Variants in DDX60 observed in about 807,000 individuals in gnomAD.
DDX60 encodes the protein probable ATP-dependent RNA helicase DDX60.
Under a neutral mutation model 212.8 loss-of-function variants are expected in DDX60, and 165 were observed. The ratio of observed to expected loss-of-function variants is 0.78; its 90% CI spans 0.68 to 0.88. The LOEUF is 0.88. DDX60 is among the 40% of genes least tolerant of loss of function. DDX60 has a pLI of 0.00. For missense variants in DDX60, 1,905 were observed against 2,003.9 expected, an observed-to-expected ratio of 0.95 and a Z score of 0.94; for synonymous variants, 703 against 685.3, an observed-to-expected ratio of 1.03 and a Z score of -0.40.
At chr4:168,284,771 A>C in intron 12 of DDX60, 49 bp downstream of exon 12, 2 of 907,630 alleles carry the variant, frequency 2.2e-6, no homozygotes, top group Non-Finnish European at 3.2e-6. Flanking sequence ...AATAAGAGGC[A>C]GAGAGTAAAG....
rs766996301 is a variant in DDX60 at position 168,273,274 on chromosome 4, C to T, written c.2574+5G>A. 14 of 1,608,792 alleles carry T rather than the reference C, an allele frequency of 8.7e-6. No individual in the cohort carries two copies. The highest frequency in any genetic ancestry group is 1.2e-5 in the Non-Finnish European group (14 of 1,177,570). On this transcript the variant is annotated splice_donor_5th_base_variant and intron_variant, in intron 18 of 37. Coordinates refer to ENST00000393743, the MANE Select transcript of DDX60 (RefSeq NM_017631.6). ...ATAACACACTTATTAATTAAAATAC[C>T]CTACCTGACAGTTTAAGGCATCATG...
chr4:168,236,734 A>C (rs1480130960), intron 32 of DDX60, among the ~76,000 whole-genome samples: 1 of 151,824 alleles, frequency 6.6e-6, no homozygotes, highest in Non-Finnish European at 1.5e-5. Context: ...ATGTATTTAA[A>C]AATTTACTCA....
At chr4:168,288,028 TA>T in intron 9 of DDX60, 145 bp downstream of exon 9, 1 of 485,158 alleles carries the variant, frequency 2.1e-6, no homozygotes, top group Non-Finnish European at 3.5e-6. Context: ...TAATTGCAAC[TA>T]AAATATTACA....
At chr4:168,258,120 G>C (rs1034905200) in intron 25 of DDX60, among the ~76,000 whole-genome samples, 1 of 151,700 alleles carries the variant, frequency 6.6e-6, no homozygotes, top group African/African-American at 2.4e-5. Context: ...GTTTGGATCT[G>C]ACAAAAAGGG....
intron 33 of DDX60, among the ~76,000 whole-genome samples, chr4:168,228,283 T>C (rs1327709554): frequency 6.6e-6 from 1 of 152,124 alleles, no homozygotes; most frequent in Non-Finnish European, 1.5e-5. Context: ...TGGATCAAAA[T>C]GTCATTGTGT....
At chr4:168,240,469 C>A (rs964374039) in intron 30 of DDX60, among the ~76,000 whole-genome samples, 2 of 152,072 alleles carry the variant, frequency 1.3e-5, no homozygotes, top group African/African-American at 4.8e-5. Flanking sequence ...TAGAAAAAAA[C>A]TATTTTAAAA....
At chr4:168,229,975 A>C (rs1733386983) in intron 33 of DDX60, among the ~76,000 whole-genome samples, 1 of 151,960 alleles carries the variant, frequency 6.6e-6, no homozygotes. Context: ...TCTTCAAGAG[A>C]CTCACCTAAC....
intron 30 of DDX60, among the ~76,000 whole-genome samples, chr4:168,245,190 T>C (rs1230509489): frequency 6.6e-6 from 1 of 151,904 alleles, no homozygotes; most frequent in Non-Finnish European, 1.5e-5. Flanking sequence ...ATCCATAAAA[T>C]AGAAAATCAT....
chr4:168,286,389 T>TACACACACACACACACACACAC lies in DDX60; in HGVS notation c.1339+637_1339+658dup, dbSNP rs71867661. Among the ~76,000 whole-genome samples the TACACACACACACACACACACAC allele has an allele frequency of 1.6e-3, 211 of 133,746 alleles. 1 individual carries two copies. The highest frequency in any genetic ancestry group is 0.014 in the Middle Eastern group (4 of 284). The allele number at this position is 133,746 out of a possible 152,430, so 87.7% of individuals were successfully genotyped here. A position where few individuals can be genotyped will look rare whatever the true frequency, so the allele number is the denominator to read the frequency against. On this transcript the variant is annotated intron_variant, in intron 10 of 37. Transcript: ENST00000393743. ...TTCTCTTGAGTCCTCCTTGATTTTA[T>TACACACACACACACACACACAC]ACACACACACACACACACACACACA...
intron 29 of DDX60, among the ~76,000 whole-genome samples, chr4:168,247,328 G>T (rs753149055): frequency 3.9e-5 from 6 of 152,132 alleles, no homozygotes; most frequent in Admixed American, 2.0e-4. Flanking sequence ...CAAAGGAGAA[G>T]ATTCCCAAAA....
Position 168,308,018 on chromosome 4 carries a change from T to C in DDX60, c.252A>G (p.Ile84Met), listed in dbSNP as rs1311652629. ...ACTATCATGTTACCTTGAAGAAAAC[T>C]ATGGTGAATTGTCCTCCTTTGCTAA... ...DLISKGGQFT[I>M]VFFKDAEYAY... The change falls in exon 4 of 38, where the codon ATA becomes ATG. Residue 84 changes from isoleucine (I) to methionine (M), a missense_variant. By Grantham distance (10) the Ile-to-Met change is conservative (BLOSUM62 1). Coordinates refer to ENST00000393743, the MANE Select transcript of DDX60 (RefSeq NM_017631.6). The C allele has an allele frequency of 1.9e-6, 3 of 1,582,206 alleles. No individual in the cohort carries two copies. The highest frequency in any genetic ancestry group is 4.0e-5 in the Admixed American group (2 of 50,100).
intron 26 of DDX60, among the ~76,000 whole-genome samples, chr4:168,255,311 T>G (rs772544872): frequency 3.3e-5 from 5 of 152,186 alleles, no homozygotes; most frequent in Non-Finnish European, 5.9e-5. Flanking sequence ...AACTGTGATG[T>G]TATATTAGTG....
intron 27 of DDX60, 115 bp downstream of exon 27, chr4:168,252,394 T>C (rs1187365174): frequency 2.4e-6 from 3 of 1,247,318 alleles, no homozygotes; most frequent in Admixed American, 4.3e-5. Context: ...TTGGTAGGGA[T>C]TGTATTAATT....
At chr4:168,301,661 C>A (rs565101085) in intron 6 of DDX60, among the ~76,000 whole-genome samples, 1 of 152,206 alleles carries the variant, frequency 6.6e-6, no homozygotes, top group African/African-American at 2.4e-5. Flanking sequence ...ATAAAAGTCA[C>A]CATTAGGCAA....
At chr4:168,313,790 T>C (rs533680678) in intron 1 of DDX60, among the ~76,000 whole-genome samples, 1 of 152,310 alleles carries the variant, frequency 6.6e-6, no homozygotes, top group South Asian at 2.1e-4. Flanking sequence ...AGTAGTTAGA[T>C]ACAAACAAAT....
In DDX60 at chr4:168,308,017, C is replaced by T. The variant is rs143904497; in HGVS notation, c.253G>A (p.Val85Ile). 273 of 1,579,064 alleles carry T rather than the reference C, an allele frequency of 1.7e-4. No individual in the cohort carries two copies. In the African/African-American group the frequency reaches 3.4e-3, roughly 19 times the overall value. The change falls in exon 4 of 38, where the codon GTT becomes ATT. Residue 85 changes from valine (V) to isoleucine (I), a missense_variant. By Grantham distance (29) the Val-to-Ile change is conservative. Transcript: ENST00000393743. ...AACTATCATGTTACCTTGAAGAAAA[C>T]TATGGTGAATTGTCCTCCTTTGCTA... ...LISKGGQFTIVFFKDAEYAYF... is the reference protein window; with the variant it reads ...LISKGGQFTIIFFKDAEYAYF...
In DDX60 at chr4:168,236,377, T is replaced by C; in HGVS notation, c.4412-4A>G. On this transcript the variant is annotated splice_region_variant and splice_polypyrimidine_tract_variant and intron_variant, in intron 32 of 37. Coordinates refer to ENST00000393743, the MANE Select transcript of DDX60 (RefSeq NM_017631.6). ...TCTTGAGAAAAATGTTTTGAGCCTA[T>C]ATAAAACAAAGTGTCTTCTTGTAAA... The C allele has an allele frequency of 6.3e-7, 1 of 1,594,840 alleles. No individual in the cohort carries two copies. The highest frequency in any genetic ancestry group is 2.3e-5 in the East Asian group (1 of 44,132).
At chr4:168,325,979 G>A in the DDX60 span, among the ~76,000 whole-genome samples, 7 of 152,120 alleles carry the variant, frequency 4.6e-5, no homozygotes, top group African/African-American at 7.2e-5. Flanking sequence ...GCTGTCCAGC[G>A]GTGACCTCTT....
intron 16 of DDX60, among the ~76,000 whole-genome samples, chr4:168,274,990 T>C (rs1735270798): frequency 6.6e-6 from 1 of 152,228 alleles, no homozygotes; most frequent in Non-Finnish European, 1.5e-5. Context: ...GTCCCTACTA[T>C]TTAAACTATC....
Sources: gnomAD v4.1 joint callset for allele counts (sites outside exome capture counted in the v4.1 genomes callset) on GRCh38, gnomAD v4.1.1 for gene constraint, MANE v1.5 for transcripts, NCBI Gene and HGNC (gene_info 2026-07-23, HGNC 2026-07-21) for gene names.